The following PCDHGB6 variants were observed in gnomAD, a reference collection of about 807,000 sequenced individuals.
PCDHGB6 encodes the protein protocadherin gamma subfamily B, 6, also known as protocadherin gamma-B6.
PCDHGB6 carries 51 observed loss-of-function variants against 59.1 expected under a neutral mutation model. The ratio of observed to expected loss-of-function variants is 0.86; its 90% CI spans 0.69 to 1.09. The LOEUF is 1.09. PCDHGB6 is among the 50% of genes least tolerant of loss of function. The pLI is 0.00. For missense variants in PCDHGB6, 1,148 were observed against 1,205.1 expected (o/e 0.95, Z 0.70); for synonymous variants, 466 against 495.1 (o/e 0.94, Z 0.78).
At chr5:141,473,375 T>C (rs1433212994) in intron 1 of PCDHGB6, among the ~76,000 whole-genome samples, 1 of 152,192 alleles carries the variant, frequency 6.6e-6, no homozygotes, top group African/African-American at 2.4e-5. Flanking sequence ...AATAGCATGG[T>C]CCCTGCCCTC....
At chr5:141,445,046 G>A (rs181806844) in intron 1 of PCDHGB6, among the ~76,000 whole-genome samples, 1 of 152,248 alleles carries the variant, frequency 6.6e-6, no homozygotes, top group East Asian at 1.9e-4. Context: ...AGTTTTCAGT[G>A]TAGAGAGGTC....
chr5:141,421,254 C>T, intron 1 of PCDHGB6: 1 of 1,607,460 alleles, frequency 6.2e-7, no homozygotes, highest in East Asian at 2.2e-5. Flanking sequence ...AGCGCGGGGA[C>T]CGCAGTCGGC....
At chr5:141,470,574 CA>C (rs1369567985) in intron 1 of PCDHGB6, among the ~76,000 whole-genome samples, 1 of 152,188 alleles carries the variant, frequency 6.6e-6, no homozygotes, top group Non-Finnish European at 1.5e-5. Flanking sequence ...CAAGCAGGAT[CA>C]ACTTCATAGG....
At chr5:141,451,113 C>T (rs2098707217) in intron 1 of PCDHGB6, among the ~76,000 whole-genome samples, 1 of 152,152 alleles carries the variant, frequency 6.6e-6, no homozygotes. Context: ...CAGGCGTGAG[C>T]CACCACACCC....
intron 1 of PCDHGB6, chr5:141,426,597 T>C (rs2096946172): frequency 2.6e-6 from 1 of 377,476 alleles, no homozygotes. Context: ...TGTCATACCC[T>C]TAGAGATTGT....
chr5:141,503,304 A>G (rs946582779), intron 2 of PCDHGB6, among the ~76,000 whole-genome samples: 1 of 152,150 alleles, frequency 6.6e-6, no homozygotes, highest in African/African-American at 2.4e-5. Flanking sequence ...ATTGCTCAAG[A>G]AAGAATTGTT....
chr5:141,457,635 T>G (rs1242403589), intron 1 of PCDHGB6, among the ~76,000 whole-genome samples: 2 of 152,270 alleles, frequency 1.3e-5, no homozygotes, highest in African/African-American at 4.8e-5. Flanking sequence ...ATACTTGGCC[T>G]GATTATTTGC....
Position 141,409,574 on chromosome 5 carries a change from G to C in PCDHGB6, c.1372G>C (p.Val458Leu), listed in dbSNP as rs752388742. ...NAPVFDQTSY[V>L]VHVAENNPPG... ...CCCAGTTTTCGACCAGACGTCCTACGTGGTCCACGTGGCCGAGAACAACCC... is the reference window on the plus strand; with the variant it reads ...CCCAGTTTTCGACCAGACGTCCTACCTGGTCCACGTGGCCGAGAACAACCC... The change falls in exon 1 of 4, where the codon GTG (valine) becomes CTG (leucine). Residue 458 changes from valine to leucine, a missense_variant. Val to Leu is a conservative substitution (Grantham distance 32). This residue lies in a region of PCDHGB6 where 549 missense variants were observed against 527.5 expected (regional missense o/e 1.04). Coordinates refer to ENST00000520790, the MANE Select transcript of PCDHGB6 (RefSeq NM_018926.3). 32 of 1,613,902 alleles carry C rather than the reference G, an allele frequency of 2.0e-5. No individual in the cohort carries two copies. In the East Asian group the frequency reaches 6.9e-4, roughly 35 times the overall value.
chr5:141,477,582 A>G lies in PCDHGB6; in HGVS notation c.2419-17225A>G. On this transcript the variant is annotated intron_variant, in intron 1 of 3. Transcript: ENST00000520790. This position sits in a 1 kb window ranked among gnomAD's most constrained non-coding sequence, Gnocchi z 4.9. Reference sequence around the variant, plus strand: ...GTCTGGGACCCCGACGCCCCGCAGAATGCTCGGCTTTCTTTCTTTCTCTTG... The same window carrying G: ...GTCTGGGACCCCGACGCCCCGCAGAGTGCTCGGCTTTCTTTCTTTCTCTTG... The G allele has an allele frequency of 6.2e-7, 1 of 1,614,190 alleles. No homozygotes were observed.
At position 141,489,295 on chromosome 5, in the gene PCDHGB6, T is replaced by C. The variant is rs2099685128; in HGVS notation, c.2419-5512T>C. 1.3e-6 allele frequency: 2 copies of C among 1,581,054 alleles called. No individual in the cohort carries two copies. The highest frequency in any genetic ancestry group is 1.7e-5 in the Admixed American group (1 of 57,148). ...TGGGAAATGGCAAGTGCTGTGCATG[T>C]TGTCCTTGTGCTGCTGGGGCTGGGT... On this transcript the variant is annotated intron_variant, in intron 1 of 3. Transcript: ENST00000520790. The surrounding 1 kb of genome is among the most constrained non-coding windows in gnomAD (Gnocchi z 4.5).
intron 1 of PCDHGB6, among the ~76,000 whole-genome samples, chr5:141,466,613 C>T (rs772278295): frequency 1.2e-4 from 19 of 152,144 alleles, no homozygotes; most frequent in Non-Finnish European, 2.4e-4. Context: ...TGTAAACTGC[C>T]GTTTTCTTTG....
intron 1 of PCDHGB6, chr5:141,419,357 AC>A (rs1185938270): frequency 3.7e-6 from 6 of 1,613,814 alleles, no homozygotes; most frequent in Non-Finnish European, 4.2e-6. Context: ...GGAGTCACGA[AC>A]GCTGTCGTCC....
At chr5:141,455,270 A>T (rs2098818132) in intron 1 of PCDHGB6, among the ~76,000 whole-genome samples, 1 of 151,958 alleles carries the variant, frequency 6.6e-6, no homozygotes, top group South Asian at 2.1e-4. Context: ...CTTCCCATTG[A>T]TTATTAACAT....
At chr5:141,415,014 C>G (rs747951360) in intron 1 of PCDHGB6, 1 of 1,613,502 alleles carries the variant, frequency 6.2e-7, no homozygotes, top group African/African-American at 1.3e-5. Flanking sequence ...ACCGTCTGCT[C>G]AAGGCCAGCG....
chr5:141,482,429 A>G (rs955366858), intron 1 of PCDHGB6, among the ~76,000 whole-genome samples: 1 of 151,366 alleles, frequency 6.6e-6, no homozygotes, highest in African/African-American at 2.4e-5. Flanking sequence ...AAAAATGATA[A>G]TACTGATATT....
chr5:141,421,731 C>A (rs73792198), intron 1 of PCDHGB6: 144,261 of 1,613,668 alleles, frequency 0.089, 7,407 homozygotes, highest in African/African-American at 0.18. Flanking sequence ...TGAACTCCCT[C>A]CAGAGCTACC....
chr5:141,508,961 A>G (rs991011427), intron 3 of PCDHGB6, among the ~76,000 whole-genome samples: 2 of 151,978 alleles, frequency 1.3e-5, no homozygotes, highest in Non-Finnish European at 2.9e-5. Flanking sequence ...TGTCAGCGGA[A>G]TGAAAGGGCT....
In PCDHGB6 at chr5:141,487,227, G is replaced by A. The variant is rs763361726; in HGVS notation, c.2419-7580G>A. The A allele has an allele frequency of 6.2e-7, 1 of 1,614,070 alleles. No individual in the cohort carries two copies. Among genetic ancestry groups the A allele is most frequent in the Non-Finnish European group, 8.5e-7 (1 of 1,179,952 alleles). On this transcript the variant is annotated intron_variant, in intron 1 of 3. Transcript: ENST00000520790. The surrounding 1 kb of genome is among the most constrained non-coding windows in gnomAD (Gnocchi z 5.0). The stretch of plus-strand genomic sequence containing the variant: ...CGAGAATCTTCAGCTCCAAGGGAAG[G>A]AGAATCTCGTCTAACCCTCTACTTG...
chr5:141,419,656 G>C lies in PCDHGB6; in HGVS notation c.2418+9036G>C. The C allele has an allele frequency of 1.9e-6, 3 of 1,612,648 alleles. No homozygotes were observed. The East Asian group carries it at 6.7e-5, about 36-fold the overall frequency. ...TGGTGGCCGTGGACGCGGACTCGGGGCACAATGCCTGGCTGTCCTACCACG... is the reference window on the plus strand; with the variant it reads ...TGGTGGCCGTGGACGCGGACTCGGGCCACAATGCCTGGCTGTCCTACCACG... On this transcript the variant is annotated intron_variant, in intron 1 of 3. Transcript: ENST00000520790.
Sources: allele counts gnomAD v4.1 joint callset (sites outside exome capture counted in the v4.1 genomes callset), GRCh38; gene constraint gnomAD v4.1.1; regional missense constraint gnomAD v4.1.1; non-coding constraint Gnocchi (gnomAD v3.1); transcripts MANE v1.5; gene names NCBI Gene and HGNC (gene_info 2026-07-23, HGNC 2026-07-21).